Variants in AGMO observed in about 807,000 individuals in gnomAD.
AGMO encodes alkylglycerol monooxygenase.
A neutral mutation model predicts 60.2 loss-of-function variants in AGMO; 75 were observed. That is an observed-to-expected ratio of 1.25 (90% CI 1.03 to 1.51). The LOEUF (loss-of-function observed/expected upper bound fraction) is 1.51. Ranked by LOEUF, AGMO falls within the 40% of genes most tolerant of loss-of-function variation. The pLI, the probability that AGMO is intolerant of heterozygous loss-of-function variation, is 0.00. For synonymous variants in AGMO, 261 were observed against 177.1 expected, an observed-to-expected ratio of 1.47 and a Z score of -3.76; for missense variants, 763 against 525.5, an observed-to-expected ratio of 1.45 and a Z score of -4.42.
intron 12 of AGMO, among the ~76,000 whole-genome samples, chr7:15,362,069 C>T (rs1357414181): frequency 6.6e-6 from 1 of 151,918 alleles, no homozygotes; most frequent in Non-Finnish European, 1.5e-5. Flanking sequence ...GTCAGTCAGC[C>T]CTAATTCATA....
At chr7:15,337,524 A>T (rs935413211) in intron 12 of AGMO, among the ~76,000 whole-genome samples, 1 of 152,104 alleles carries the variant, frequency 6.6e-6, no homozygotes, top group Non-Finnish European at 1.5e-5. Context: ...CAGCTGAGAA[A>T]AGGATTTTGG....
intron 6 of AGMO, among the ~76,000 whole-genome samples, chr7:15,392,768 C>T (rs1784198220): frequency 6.6e-6 from 1 of 151,820 alleles, no homozygotes; most frequent in African/African-American, 2.4e-5. Flanking sequence ...CACTACACTC[C>T]AGCCTGGGCG....
chr7:15,556,458 CT>C (rs1391960739), intron 2 of AGMO, among the ~76,000 whole-genome samples: 8 of 151,978 alleles, frequency 5.3e-5, no homozygotes, highest in African/African-American at 1.9e-4. Context: ...TTATAATCTG[CT>C]GTTTCAACAG....
At chr7:15,123,103 T>C in the AGMO span, among the ~76,000 whole-genome samples, 1 of 152,060 alleles carries the variant, frequency 6.6e-6, no homozygotes, top group African/African-American at 2.4e-5. Context: ...ACCTAGACTA[T>C]TTTTTTCTCT....
chr7:15,250,426 G>A (rs561034779), intron 12 of AGMO, among the ~76,000 whole-genome samples: 63 of 152,084 alleles, frequency 4.1e-4, no homozygotes, highest in African/African-American at 1.5e-3. Context: ...TTTGTACTAG[G>A]TAGAACCAGA....
intron 12 of AGMO, among the ~76,000 whole-genome samples, chr7:15,213,633 G>T (rs1004766987): frequency 6.6e-6 from 1 of 151,830 alleles, no homozygotes; most frequent in Admixed American, 6.6e-5. Context: ...GGATGGCAAA[G>T]AATGGAAGAG....
chr7:15,531,370 T>C (rs1338640826), intron 3 of AGMO, among the ~76,000 whole-genome samples: 1 of 93,016 alleles, frequency 1.1e-5, no homozygotes, highest in Non-Finnish European at 1.9e-5. Flanking sequence ...ATATATATAT[T>C]CTATATATAT....
intron 12 of AGMO, among the ~76,000 whole-genome samples, chr7:15,312,395 G>C (rs1031044368): frequency 1.3e-5 from 2 of 152,030 alleles, no homozygotes; most frequent in East Asian, 3.9e-4. Context: ...AAAATAAAAG[G>C]CAAGTTTCCT....
the AGMO span, among the ~76,000 whole-genome samples, chr7:15,117,936 C>G: frequency 6.6e-6 from 1 of 151,798 alleles, no homozygotes; most frequent in African/African-American, 2.4e-5. Flanking sequence ...TTAATTGAAA[C>G]TGCGAAGTTT....
chr7:15,216,541 A>C (rs1000583323), intron 12 of AGMO, among the ~76,000 whole-genome samples: 1 of 152,078 alleles, frequency 6.6e-6, no homozygotes, highest in African/African-American at 2.4e-5. Context: ...GGAATTCTAT[A>C]GGCATCATTC....
intron 8 of AGMO, among the ~76,000 whole-genome samples, chr7:15,388,775 G>T (rs940345990): frequency 6.6e-6 from 1 of 152,148 alleles, no homozygotes; most frequent in African/African-American, 2.4e-5. Context: ...AGGAATGGAA[G>T]TGAAAATAAG....
chr7:15,388,354 G>T (rs1323957817), intron 8 of AGMO, among the ~76,000 whole-genome samples: 4 of 152,056 alleles, frequency 2.6e-5, no homozygotes, highest in Non-Finnish European at 4.4e-5. Flanking sequence ...GCAACCTCAG[G>T]CATATGGGTT....
intron 12 of AGMO, among the ~76,000 whole-genome samples, chr7:15,300,031 A>G (rs950344827): frequency 6.6e-6 from 1 of 152,156 alleles, no homozygotes; most frequent in African/African-American, 2.4e-5. Context: ...GGAATTTGAG[A>G]AGAGAAAAAT....
At chr7:15,356,662 T>A (rs1026423273) in intron 12 of AGMO, among the ~76,000 whole-genome samples, 1 of 152,030 alleles carries the variant, frequency 6.6e-6, no homozygotes, top group Non-Finnish European at 1.5e-5. Flanking sequence ...ACTGGTATTA[T>A]ATAATTTTAT....
chr7:15,226,050 C>G (rs1782071759), intron 12 of AGMO, among the ~76,000 whole-genome samples: 1 of 151,970 alleles, frequency 6.6e-6, no homozygotes, highest in African/African-American at 2.4e-5. Context: ...GTAAATGTGG[C>G]CAAAGTTTAT....
rs537758499 is a variant in AGMO at position 15,395,021 on chromosome 7, G to A, written c.610-842C>T. 2.0e-5 allele frequency among the ~76,000 whole-genome samples: 3 copies of A among 152,308 alleles called. No homozygotes were observed. In the South Asian group the frequency reaches 6.2e-4, roughly 32 times the overall value. On this transcript the variant is annotated intron_variant, in intron 5 of 12. Transcript: ENST00000342526. ...ATGAAAAAAGTATAGCAGCCCAGAT[G>A]TAAGACATTTGGTATGTTACATGAA...
At chr7:15,187,330 T>C in the AGMO span, among the ~76,000 whole-genome samples, 3 of 152,332 alleles carry the variant, frequency 2.0e-5, no homozygotes, top group South Asian at 4.1e-4. Flanking sequence ...ACATTGCATA[T>C]GGGACACCAG....
intron 3 of AGMO, among the ~76,000 whole-genome samples, chr7:15,482,645 T>C (rs1016654976): frequency 2.0e-5 from 3 of 152,180 alleles, no homozygotes; most frequent in Non-Finnish European, 4.4e-5. Context: ...TCTGTGCTGA[T>C]ACTAGCATTT....
intron 3 of AGMO, among the ~76,000 whole-genome samples, chr7:15,455,763 C>T (rs937854268): frequency 1.3e-5 from 2 of 152,112 alleles, no homozygotes; most frequent in Non-Finnish European, 2.9e-5. Context: ...CCTGAGAAAT[C>T]TCATGCCATT....
Sources: allele counts gnomAD v4.1 joint callset (sites outside exome capture counted in the v4.1 genomes callset), GRCh38; gene constraint gnomAD v4.1.1; transcripts MANE v1.5; gene names NCBI Gene and HGNC (gene_info 2026-07-23, HGNC 2026-07-21).